FARS2: variants seen among roughly 807,000 people sequenced by gnomAD.
FARS2 encodes the protein phenylalanine--tRNA ligase, mitochondrial.
A neutral mutation model predicts 46.4 loss-of-function variants in FARS2; 40 were observed. The ratio of observed to expected loss-of-function variants is 0.86; its 90% CI spans 0.67 to 1.12. The LOEUF is 1.12. Ranked by LOEUF, FARS2 falls within the 50% of genes most tolerant of loss-of-function variation. FARS2 has a pLI of 0.00. For synonymous variants in FARS2, 234 were observed against 214.9 expected (o/e 1.09, Z -0.78); for missense variants, 513 against 567.9 (o/e 0.90, Z 0.98).
At chr6:5,647,317 G>A (rs1777129820) in intron 6 of FARS2, among the ~76,000 whole-genome samples, 1 of 152,128 alleles carries the variant, frequency 6.6e-6, no homozygotes, top group South Asian at 2.1e-4. Context: ...CAGATAATCA[G>A]AATATGTTTG....
chr6:5,253,022 T>C, the FARS2 span, among the ~76,000 whole-genome samples: 1,201 of 152,354 alleles, frequency 7.9e-3, 6 homozygotes, highest in South Asian at 0.024. Flanking sequence ...CTCCTTTCTA[T>C]GGCCTTTCCT....
At chr6:5,350,168 AAT>A (rs1491507305) in intron 1 of FARS2, among the ~76,000 whole-genome samples, 9 of 128,020 alleles carry the variant, frequency 7.0e-5, no homozygotes, top group African/African-American at 2.2e-4. Flanking sequence ...ATGCCTGGCA[AAT>A]TTTTTTTTTT....
intron 3 of FARS2, among the ~76,000 whole-genome samples, chr6:5,428,510 G>A (rs1449619205): frequency 6.6e-6 from 1 of 152,092 alleles, no homozygotes; most frequent in Non-Finnish European, 1.5e-5. Flanking sequence ...AAAATATATT[G>A]TTCCAAACTG....
At chr6:5,300,463 G>A (rs995267404) in intron 1 of FARS2, among the ~76,000 whole-genome samples, 1 of 152,048 alleles carries the variant, frequency 6.6e-6, no homozygotes, top group African/African-American at 2.4e-5. Flanking sequence ...GTTTGATATG[G>A]CATTCACATT....
At chr6:5,313,898 C>T (rs965129077) in intron 1 of FARS2, among the ~76,000 whole-genome samples, 1 of 152,036 alleles carries the variant, frequency 6.6e-6, no homozygotes, top group African/African-American at 2.4e-5. Context: ...ATCCCTGGCT[C>T]CTCCCTACCT....
intron 3 of FARS2, among the ~76,000 whole-genome samples, chr6:5,414,518 G>A (rs1378286688): frequency 6.6e-6 from 1 of 152,156 alleles, no homozygotes; most frequent in Non-Finnish European, 1.5e-5. Context: ...CCTATTGTAT[G>A]TATTCTCTGG....
At chr6:5,633,402 A>G (rs1776392468) in intron 6 of FARS2, among the ~76,000 whole-genome samples, 2 of 150,394 alleles carry the variant, frequency 1.3e-5, no homozygotes, top group Admixed American at 6.7e-5. Context: ...CAGCCTCCCA[A>G]GTAGCTGGGA....
chr6:5,494,233 G>C (rs1047921616), intron 4 of FARS2, among the ~76,000 whole-genome samples: 1 of 151,078 alleles, frequency 6.6e-6, no homozygotes, highest in Non-Finnish European at 1.5e-5. Flanking sequence ...AGTCAGGTTT[G>C]GTTTTAAAAA....
intron 4 of FARS2, among the ~76,000 whole-genome samples, chr6:5,489,610 C>G (rs1175640723): frequency 3.3e-5 from 5 of 152,158 alleles, no homozygotes; most frequent in African/African-American, 1.2e-4. Context: ...TAATATGCTT[C>G]CATCTCTTTC....
chr6:5,400,617 A>ATGTGTGTG (rs1238009378), intron 2 of FARS2, among the ~76,000 whole-genome samples: 4 of 113,240 alleles, frequency 3.5e-5, no homozygotes, highest in East Asian at 2.6e-4. Context: ...AGTAAGTTTA[A>ATGTGTGTG]TATGTGTGTA....
At chr6:5,539,211 C>CTT (rs1260332909) in intron 4 of FARS2, among the ~76,000 whole-genome samples, 1 of 143,482 alleles carries the variant, frequency 7.0e-6, no homozygotes, top group African/African-American at 2.6e-5. Context: ...GTGAACATTT[C>CTT]TTTTTTTTTT....
rs1177641151 is a variant in FARS2, at chr6:5,713,911, ATATGTT to A, written c.1218-57377_1218-57372del. Among the ~76,000 whole-genome samples, 3 of 152,230 alleles carry A rather than the reference ATATGTT, an allele frequency of 2.0e-5. No homozygotes were observed. In the East Asian group the frequency reaches 5.8e-4, roughly 29 times the overall value. ...TCTCCAAAGACATGAAATTTAGTCC[ATATGTT>A]TAAATCTCTCTTTGGCTGATTGCCT... On this transcript the variant is annotated intron_variant, in intron 6 of 6. Coordinates refer to ENST00000274680, the MANE Select transcript of FARS2 (RefSeq NM_006567.5).
intron 2 of FARS2, among the ~76,000 whole-genome samples, chr6:5,386,516 G>T (rs965497963): frequency 2.6e-5 from 4 of 152,202 alleles, no homozygotes; most frequent in Admixed American, 1.3e-4. Context: ...GGTCAGGCAA[G>T]ACTGGTGATG....
At chr6:5,729,405 G>A (rs1403794862) in intron 6 of FARS2, among the ~76,000 whole-genome samples, 3 of 152,142 alleles carry the variant, frequency 2.0e-5, no homozygotes, top group Non-Finnish European at 2.9e-5. Flanking sequence ...GGGCGTGGAC[G>A]TCCCAGAGAG....
chr6:5,717,676 T>G (rs1330807205), intron 6 of FARS2, among the ~76,000 whole-genome samples: 1 of 152,092 alleles, frequency 6.6e-6, no homozygotes, highest in East Asian at 1.9e-4. Context: ...TTGAGATTGA[T>G]CAATAGATTC....
intron 1 of FARS2, among the ~76,000 whole-genome samples, chr6:5,366,378 A>G (rs1758679155): frequency 6.6e-6 from 1 of 152,136 alleles, no homozygotes; most frequent in Non-Finnish European, 1.5e-5. Context: ...GAGAAATTCG[A>G]TAGAGGTAGA....
At chr6:5,669,628 G>C (rs1003010536) in intron 6 of FARS2, among the ~76,000 whole-genome samples, 1 of 152,114 alleles carries the variant, frequency 6.6e-6, no homozygotes, top group African/African-American at 2.4e-5. Flanking sequence ...CAGTGTATTA[G>C]GAGAGGGCTC....
intron 6 of FARS2, chr6:5,668,247 G>C (rs1778244451): frequency 6.6e-6 from 1 of 152,216 alleles, no homozygotes; most frequent in African/African-American, 2.4e-5. Context: ...CTTATAATGT[G>C]AGGTTTATTT....
chr6:5,567,020 G>A (rs565306089), intron 5 of FARS2, among the ~76,000 whole-genome samples: 8 of 152,360 alleles, frequency 5.3e-5, no homozygotes, highest in South Asian at 4.1e-4. Flanking sequence ...ATGTCTGGGC[G>A]TAGGCCGAAC....
Sources: gnomAD v4.1 joint callset for allele counts (sites outside exome capture counted in the v4.1 genomes callset) on GRCh38, gnomAD v4.1.1 for gene constraint, MANE v1.5 for transcripts, NCBI Gene and HGNC (gene_info 2026-07-23, HGNC 2026-07-21) for gene names.